Variants in FRMPD4 observed in about 807,000 individuals in gnomAD.
The protein encoded by FRMPD4 is FERM and PDZ domain-containing protein 4.
A neutral mutation model predicts 94.1 loss-of-function variants in FRMPD4; 22 were observed. That is an observed-to-expected ratio of 0.23 (90% CI 0.17 to 0.33). The LOEUF (loss-of-function observed/expected upper bound fraction) is 0.33, where lower values mean the gene tolerates loss of function less well. FRMPD4 is among the 10% of genes least tolerant of loss of function. FRMPD4 has a pLI of 1.00. For synonymous variants in FRMPD4, 631 were observed against 548.6 expected, an observed-to-expected ratio of 1.15 and a Z score of -2.10; for missense variants, 1,111 against 1,339.9, an observed-to-expected ratio of 0.83 and a Z score of 2.67.
Position 12,234,404 on chromosome X carries a change from A to T in FRMPD4, c.41+95392A>T, listed in dbSNP as rs777883277. The stretch of plus-strand genomic sequence containing the variant: ...CTTTACAGCATAAATCTTTTATTAG[A>T]ACCTCCAAAGTACAGATTAATTTAA... On this transcript the variant is annotated intron_variant, in intron 1 of 16. Coordinates refer to ENST00000675598, the MANE Select transcript of FRMPD4 (RefSeq NM_001368397.1). Among the ~76,000 whole-genome samples the T allele has an allele frequency of 7.1e-5, 8 of 111,925 alleles. No homozygotes were observed. In the East Asian group the frequency reaches 2.2e-3, roughly 31 times the overall value.
At chrX:12,578,209 A>G (rs193112225) in intron 2 of FRMPD4, among the ~76,000 whole-genome samples, 1 of 112,772 alleles carries the variant, frequency 8.9e-6, no homozygotes, top group Non-Finnish European at 1.9e-5. Flanking sequence ...TTTAGGGGTC[A>G]CAATTCAGTC....
At chrX:11,963,988 A>T (rs920498269) in intron 3 of FRMPD4, among the ~76,000 whole-genome samples, 2 of 111,456 alleles carry the variant, frequency 1.8e-5, no homozygotes, top group Admixed American at 1.9e-4. Flanking sequence ...AGTTGCTCTA[A>T]GTTGGTTAGA....
At chrX:12,457,457 C>A (rs1208215098) in intron 1 of FRMPD4, among the ~76,000 whole-genome samples, 1 of 111,613 alleles carries the variant, frequency 9.0e-6, no homozygotes, top group East Asian at 2.8e-4. Flanking sequence ...CTGCCAGGCA[C>A]TGTGTTAGTA....
intron 3 of FRMPD4, among the ~76,000 whole-genome samples, chrX:12,082,223 T>C (rs2055067989): frequency 1.8e-5 from 2 of 111,828 alleles, no homozygotes; most frequent in African/African-American, 3.3e-5. Context: ...TCTCCCAGAA[T>C]TTCCACATGT....
chrX:12,616,121 C>G (rs912243623), intron 4 of FRMPD4, among the ~76,000 whole-genome samples: 4 of 111,228 alleles, frequency 3.6e-5, no homozygotes, highest in Admixed American at 1.9e-4. Context: ...GTTAGTGCCC[C>G]CTCAAAATTG....
At chrX:11,916,175 G>T (rs7879603) in intron 3 of FRMPD4, among the ~76,000 whole-genome samples, 4,580 of 111,118 alleles carry the variant, frequency 0.041, 252 homozygotes, top group African/African-American at 0.14. Flanking sequence ...GGGCATGGGG[G>T]CAAGAAATTA....
At chrX:12,417,063 G>C (rs2056811843) in intron 1 of FRMPD4, among the ~76,000 whole-genome samples, 1 of 111,094 alleles carries the variant, frequency 9.0e-6, no homozygotes. Context: ...GGGCGTGTCT[G>C]ACTCTTATGT....
intron 1 of FRMPD4, among the ~76,000 whole-genome samples, chrX:12,222,490 T>C (rs760542899): frequency 1.8e-5 from 2 of 112,048 alleles, no homozygotes; most frequent in Admixed American, 1.9e-4. Context: ...TTTGACATCG[T>C]TTTTGAGATA....
At chrX:12,159,120 G>A (rs2055982754) in intron 1 of FRMPD4, among the ~76,000 whole-genome samples, 1 of 112,453 alleles carries the variant, frequency 8.9e-6, no homozygotes, top group Non-Finnish European at 1.9e-5. Context: ...AATGTGTAAT[G>A]TCTGCAATAC....
intron 2 of FRMPD4, among the ~76,000 whole-genome samples, chrX:12,527,750 T>C (rs2058241011): frequency 8.9e-6 from 1 of 111,946 alleles, no homozygotes; most frequent in African/African-American, 3.2e-5. Flanking sequence ...ATGACGACAA[T>C]GCCTATGCTA....
intron 4 of FRMPD4, among the ~76,000 whole-genome samples, chrX:12,650,811 T>G (rs1325956864): frequency 4.4e-5 from 5 of 113,119 alleles, no homozygotes; most frequent in Non-Finnish European, 7.5e-5. Flanking sequence ...ATATGCTTCT[T>G]ATCTCATCTC....
Position 12,690,224 on chromosome X carries a change from C to G in FRMPD4, c.711C>G (p.Leu237=). The change falls in exon 8 of 17, where the codon CTC becomes CTG. Residue 237 remains leucine (L), a synonymous_variant. Transcript: ENST00000675598. Reference sequence around the variant, plus strand: ...TCATCTTAACCCTTCAAGAGAAGCTCTCCATCAAAGGCATTGAACACTTCT... The same window carrying G: ...TCATCTTAACCCTTCAAGAGAAGCTGTCCATCAAAGGCATTGAACACTTCT... ...KDVILTLQEK[L]SIKGIEHFSL... 8.3e-7 allele frequency: 1 copy of G among 1,201,430 alleles called. No individual in the cohort carries two copies. Among genetic ancestry groups the G allele is most frequent in the Non-Finnish European group, 1.1e-6 (1 of 886,321 alleles).
intron 1 of FRMPD4, among the ~76,000 whole-genome samples, chrX:12,323,203 G>C (rs777845390): frequency 4.5e-5 from 5 of 111,760 alleles, no homozygotes; most frequent in African/African-American, 1.3e-4. Flanking sequence ...GATATAAGTA[G>C]CCTTGGGCTC....
chrX:12,194,929 C>T (rs1053287887), intron 1 of FRMPD4, among the ~76,000 whole-genome samples: 1 of 111,989 alleles, frequency 8.9e-6, no homozygotes, highest in African/African-American at 3.2e-5. Flanking sequence ...AGGATTGAGG[C>T]TGAAAGGTTA....
intron 2 of FRMPD4, among the ~76,000 whole-genome samples, chrX:12,514,511 T>C (rs886939244): frequency 8.0e-5 from 9 of 112,492 alleles, no homozygotes; most frequent in African/African-American, 2.9e-4. Flanking sequence ...TGATGAATTA[T>C]GTTCATTGAT....
chrX:12,502,250 A>T (rs1224609416), intron 2 of FRMPD4, among the ~76,000 whole-genome samples: 3 of 112,477 alleles, frequency 2.7e-5, no homozygotes, highest in Admixed American at 1.9e-4. Context: ...TAGAACTGAG[A>T]CTCAGCCTAT....
At chrX:12,169,665 G>A (rs1236597201) in intron 1 of FRMPD4, among the ~76,000 whole-genome samples, 8 of 112,014 alleles carry the variant, frequency 7.1e-5, no homozygotes, top group African/African-American at 2.6e-4. Flanking sequence ...TTTACCATAT[G>A]GCTCATTATA....
At chrX:12,043,207 A>G (rs2054766512) in intron 3 of FRMPD4, among the ~76,000 whole-genome samples, 1 of 112,032 alleles carries the variant, frequency 8.9e-6, no homozygotes, top group Non-Finnish European at 1.9e-5. Flanking sequence ...ACTCTGTCAT[A>G]CATTGAAAGC....
At chrX:12,556,147 G>A (rs1449569649) in intron 2 of FRMPD4, among the ~76,000 whole-genome samples, 1 of 110,675 alleles carries the variant, frequency 9.0e-6, no homozygotes, top group South Asian at 4.0e-4. Context: ...CTTGATCCTG[G>A]TATAAATACC....
Sources: allele counts gnomAD v4.1 joint callset (sites outside exome capture counted in the v4.1 genomes callset), GRCh38; gene constraint gnomAD v4.1.1; transcripts MANE v1.5; gene names NCBI Gene and HGNC (gene_info 2026-07-23, HGNC 2026-07-21).